The following NTRK3 variants were observed in gnomAD, a reference collection of about 807,000 sequenced individuals.
The protein encoded by NTRK3 is neurotrophic receptor tyrosine kinase 3.
NTRK3 carries 24 observed loss-of-function variants against 91.7 expected under a neutral mutation model. The ratio of observed to expected loss-of-function variants is 0.26; its 90% confidence interval spans 0.19 to 0.37. NTRK3 has a LOEUF of 0.37. Among genes scored for constraint, NTRK3 ranks in the 10% least tolerant of loss-of-function variants. The pLI, the probability that NTRK3 is intolerant of heterozygous loss-of-function variation, is 1.00. For missense variants in NTRK3, 880 were observed against 1,068.9 expected, an observed-to-expected ratio of 0.82 and a Z score of 2.46; for synonymous variants, 483 against 404.0, an observed-to-expected ratio of 1.20 and a Z score of -2.34.
chr15:88,202,706 T>G (rs989609824), intron 3 of NTRK3, among the ~76,000 whole-genome samples: 1 of 152,168 alleles, frequency 6.6e-6, no homozygotes, highest in African/African-American at 2.4e-5. Context: ...CTGCACAGAG[T>G]GCTGTCCTGG....
In NTRK3 at chr15:88,234,855, C is replaced by T. The variant is rs1414988541; in HGVS notation, c.248+21051G>A. ...CCCTGCAGACCTCTCCAACCTCCCA[C>T]TCCCACCAGCGCACCCTACTCAGCC... On this transcript the variant is annotated intron_variant, in intron 3 of 18. Transcript: ENST00000394480. The surrounding 1 kb of genome is among the most constrained non-coding windows in gnomAD (Gnocchi z 6.1). 2.0e-5 allele frequency among the ~76,000 whole-genome samples: 3 copies of T among 152,296 alleles called. No homozygotes were observed. The highest frequency in any genetic ancestry group is 2.1e-4 in the South Asian group (1 of 4,826).
rs1403943152 is a variant in NTRK3 at position 88,072,172 on chromosome 15, T to C, written c.1397-39127A>G. Among the ~76,000 whole-genome samples, 4 of 151,912 alleles carry C rather than the reference T, an allele frequency of 2.6e-5. No homozygotes were observed. In the East Asian group the frequency reaches 7.8e-4, roughly 29 times the overall value. The stretch of plus-strand genomic sequence containing the variant: ...AGGCACCGCCACCATGCCTGGCTAA[T>C]TTTTTGTATTTTCAGTAGAGATGGG... On this transcript the variant is annotated intron_variant, in intron 13 of 18. Coordinates refer to ENST00000394480, the Ensembl canonical transcript of NTRK3.
intron 17 of NTRK3, among the ~76,000 whole-genome samples, chr15:87,900,139 C>T (rs766476039): frequency 6.6e-6 from 1 of 152,076 alleles, no homozygotes; most frequent in Non-Finnish European, 1.5e-5. Flanking sequence ...AAAATAACAG[C>T]GTTAAATTCT....
intron 14 of NTRK3, among the ~76,000 whole-genome samples, chr15:87,991,776 A>T (rs1273404239): frequency 6.6e-6 from 1 of 152,128 alleles, no homozygotes; most frequent in Non-Finnish European, 1.5e-5. Flanking sequence ...ACATTCTTTA[A>T]TTTAGATCCC....
chr15:88,108,060 T>C (rs1023009825), intron 13 of NTRK3, among the ~76,000 whole-genome samples: 2 of 152,164 alleles, frequency 1.3e-5, no homozygotes, highest in African/African-American at 4.8e-5. Flanking sequence ...AAGACCCCAG[T>C]TGCTGGACAC....
At chr15:88,147,058 T>C (rs1381931477) in intron 6 of NTRK3, among the ~76,000 whole-genome samples, 1 of 152,208 alleles carries the variant, frequency 6.6e-6, no homozygotes, top group Non-Finnish European at 1.5e-5. Flanking sequence ...GTATTTATAC[T>C]ATTATAACTA....
intron 13 of NTRK3, among the ~76,000 whole-genome samples, chr15:88,112,444 T>G (rs1026650801): frequency 1.3e-4 from 20 of 152,152 alleles, no homozygotes; most frequent in African/African-American, 4.6e-4. Flanking sequence ...GGGTTTTTCT[T>G]TGCCCTAGAG....
intron 13 of NTRK3, among the ~76,000 whole-genome samples, chr15:88,035,336 C>T (rs2078979353): frequency 6.6e-6 from 1 of 152,144 alleles, no homozygotes; most frequent in African/African-American, 2.4e-5. Flanking sequence ...TAGTGGTTTA[C>T]CCAGAGACAT....
intron 13 of NTRK3, among the ~76,000 whole-genome samples, chr15:88,116,807 T>C (rs570700097): frequency 9.2e-5 from 14 of 152,326 alleles, no homozygotes; most frequent in Non-Finnish European, 1.6e-4. Flanking sequence ...TCTACAGATA[T>C]AGGATGGTGG....
chr15:88,135,985 G>A (rs187007070), exon 9 of NTRK3: 51 of 1,614,186 alleles, frequency 3.2e-5, no homozygotes, highest in Admixed American at 1.0e-4. Context: ...GTCCTCACTC[G>A]TCACATTCAC....
At chr15:88,134,199 A>G (rs1195719701) in intron 10 of NTRK3, among the ~76,000 whole-genome samples, 1 of 152,212 alleles carries the variant, frequency 6.6e-6, no homozygotes, top group African/African-American at 2.4e-5. Context: ...CCCAAAATGA[A>G]GCACCAAGCT....
chr15:88,129,152 C>T (rs1035116872), intron 10 of NTRK3, among the ~76,000 whole-genome samples: 3 of 152,192 alleles, frequency 2.0e-5, no homozygotes, highest in African/African-American at 4.8e-5. Context: ...TCAAGATAAA[C>T]TTATTCAAAG....
intron 5 of NTRK3, among the ~76,000 whole-genome samples, chr15:88,182,428 A>G (rs1166379840): frequency 6.6e-6 from 1 of 152,150 alleles, no homozygotes; most frequent in Non-Finnish European, 1.5e-5. Flanking sequence ...ATTTCTCTCC[A>G]GCCCAGCTGC....
At chr15:88,062,542 G>C (rs960701559) in intron 13 of NTRK3, among the ~76,000 whole-genome samples, 4 of 152,090 alleles carry the variant, frequency 2.6e-5, no homozygotes, top group African/African-American at 7.2e-5. Context: ...GCAATGGCTG[G>C]AGCCCTAGCT....
chr15:88,234,358 GGAAA>G lies in NTRK3; in HGVS notation c.248+21544_248+21547del, dbSNP rs1371672008. On this transcript the variant is annotated intron_variant, in intron 3 of 18. Transcript: ENST00000394480. This position sits in a 1 kb window ranked among gnomAD's most constrained non-coding sequence, Gnocchi z 6.1. ...TATAGCAAGGCATATGCTAAACACT[GGAAA>G]GACAAAGATAAGCTGGACCAAACAC... Among the ~76,000 whole-genome samples the G allele has an allele frequency of 6.6e-6, 1 of 152,134 alleles. No individual in the cohort carries two copies. The highest frequency in any genetic ancestry group is 1.5e-5 in the Non-Finnish European group (1 of 68,022).
At chr15:88,117,584 GA>G (rs1375457622) in intron 13 of NTRK3, among the ~76,000 whole-genome samples, 4 of 152,222 alleles carry the variant, frequency 2.6e-5, no homozygotes, top group Non-Finnish European at 5.9e-5. Flanking sequence ...GTGCTCAAAA[GA>G]ACCTTAGCTT....
rs79076424 is a variant in NTRK3 at position 87,921,399 on chromosome 15, C to G, written c.2133+7792G>C. On this transcript the variant is annotated intron_variant, in intron 17 of 18. Coordinates refer to ENST00000394480, the Ensembl canonical transcript of NTRK3. ...AACCAAAGGGACAAATCTGGATAAG[C>G]CCTCTCCAAACAGGGTCAGCATCCC... 2.5e-3 allele frequency among the ~76,000 whole-genome samples: 375 copies of G among 152,272 alleles called. 1 individual carries two copies. Among genetic ancestry groups the G allele is most frequent in the Non-Finnish European group, 4.7e-3 (321 of 68,018 alleles).
At chr15:88,151,242 C>G (rs1320836118) in intron 5 of NTRK3, among the ~76,000 whole-genome samples, 1 of 152,112 alleles carries the variant, frequency 6.6e-6, no homozygotes, top group Non-Finnish European at 1.5e-5. Flanking sequence ...GACTACCAAA[C>G]AAAGCCATTA....
At chr15:88,151,252 A>G (rs1212021239) in intron 5 of NTRK3, among the ~76,000 whole-genome samples, 1 of 152,080 alleles carries the variant, frequency 6.6e-6, no homozygotes, top group African/African-American at 2.4e-5. Context: ...CAAAGCCATT[A>G]ATTTTGTGCT....
Sources: allele counts gnomAD v4.1 joint callset (sites outside exome capture counted in the v4.1 genomes callset), GRCh38; gene constraint gnomAD v4.1.1; non-coding constraint Gnocchi (gnomAD v3.1); transcripts MANE v1.5; gene names NCBI Gene and HGNC (gene_info 2026-07-23, HGNC 2026-07-21).